Variants in TMTC1 observed in about 807,000 individuals in gnomAD.
TMTC1 encodes transmembrane O-mannosyltransferase targeting cadherins 1.
Under a neutral mutation model 104.8 loss-of-function variants are expected in TMTC1, and 73 were observed. The observed-to-expected ratio is 0.70, with a 90% CI of 0.58 to 0.85. The LOEUF is 0.85. Among genes scored for constraint, TMTC1 ranks in the 40% least tolerant of loss-of-function variants. TMTC1 has a pLI of 0.00. For synonymous variants in TMTC1, 434 were observed against 428.7 expected, an observed-to-expected ratio of 1.01 and a Z score of -0.15; for missense variants, 1,035 against 1,096.1, an observed-to-expected ratio of 0.94 and a Z score of 0.79.
intron 5 of TMTC1, among the ~76,000 whole-genome samples, chr12:29,708,934 C>T (rs895167952): frequency 3.3e-5 from 5 of 152,064 alleles, no homozygotes; most frequent in Non-Finnish European, 7.4e-5. Context: ...TCTTATTCTC[C>T]TAAACATAGG....
In TMTC1 at chr12:29,503,461, T is replaced by C. The variant is rs142889297; in HGVS notation, c.*3385A>G. Reference sequence around the variant, plus strand: ...CTGCTAAAGCCATTCTTGTGGCTTCTACATCAAAGGATACAAAAAGAAATG... The same window carrying C: ...CTGCTAAAGCCATTCTTGTGGCTTCCACATCAAAGGATACAAAAAGAAATG... On this transcript the variant is annotated 3_prime_UTR_variant, in exon 18 of 18. Coordinates refer to ENST00000539277, the MANE Select transcript of TMTC1 (RefSeq NM_001193451.2). 3 of 152,240 alleles carry C rather than the reference T, an allele frequency of 2.0e-5. No homozygotes were observed. The highest frequency in any genetic ancestry group is 7.2e-5 in the African/African-American group (3 of 41,542). The allele number at this position is 152,240 out of a possible 1,614,324, so 9.4% of individuals were successfully genotyped here.
intron 10 of TMTC1, among the ~76,000 whole-genome samples, chr12:29,555,469 C>T (rs529493209): frequency 6.6e-6 from 1 of 152,124 alleles, no homozygotes; most frequent in South Asian, 2.1e-4. Flanking sequence ...TGCTATCCCT[C>T]CTCTTGCCCC....
chr12:29,722,539 T>C (rs1370696939), intron 5 of TMTC1, among the ~76,000 whole-genome samples: 3 of 152,092 alleles, frequency 2.0e-5, no homozygotes, highest in African/African-American at 4.8e-5. Context: ...GCAAAAATTA[T>C]AAAGGTTAAA....
chr12:29,642,504 T>G (rs1237872321), intron 5 of TMTC1, among the ~76,000 whole-genome samples: 1 of 151,968 alleles, frequency 6.6e-6, no homozygotes, highest in Admixed American at 6.6e-5. Context: ...GTATCATATA[T>G]GAAGAAAAAA....
At chr12:29,707,090 G>A (rs1227204524) in intron 5 of TMTC1, among the ~76,000 whole-genome samples, 1 of 152,090 alleles carries the variant, frequency 6.6e-6, no homozygotes, top group Admixed American at 6.6e-5. Flanking sequence ...CAATTACGAG[G>A]CAGAAGATGA....
intron 1 of TMTC1, among the ~76,000 whole-genome samples, chr12:29,778,199 T>C (rs1251956364): frequency 6.6e-6 from 1 of 152,220 alleles, no homozygotes; most frequent in Non-Finnish European, 1.5e-5. Flanking sequence ...TATAATCTAA[T>C]AGGCTAAACA....
chr12:29,629,450 C>G (rs1057393768), intron 6 of TMTC1, among the ~76,000 whole-genome samples: 1 of 152,150 alleles, frequency 6.6e-6, no homozygotes, highest in African/African-American at 2.4e-5. Context: ...CTAAAATGTA[C>G]AAAAGCAAGC....
At chr12:29,540,514 C>G (rs890592971) in intron 10 of TMTC1, among the ~76,000 whole-genome samples, 3 of 152,182 alleles carry the variant, frequency 2.0e-5, no homozygotes, top group Non-Finnish European at 2.9e-5. Flanking sequence ...TGAGGCCACA[C>G]TTGGCATTTC....
rs774521730 is a variant in TMTC1, at chr12:29,573,798, C to T, written c.1419-1580G>A. On this transcript the variant is annotated intron_variant, in intron 8 of 17. Transcript: ENST00000539277. ...AAGTCTTAGCGTGGAGAGAGTCTAA[C>T]GGGCCCTGTGAGTCACACTGGAGAC... 3.9e-5 allele frequency among the ~76,000 whole-genome samples: 6 copies of T among 152,000 alleles called. No homozygotes were observed. In the East Asian group the frequency reaches 7.8e-4, roughly 20 times the overall value.
At chr12:29,518,059 C>T (rs935291153) in intron 13 of TMTC1, among the ~76,000 whole-genome samples, 2 of 152,138 alleles carry the variant, frequency 1.3e-5, no homozygotes, top group African/African-American at 2.4e-5. Flanking sequence ...ATAGTTGGAA[C>T]GTAAGAATGT....
chr12:29,618,039 A>G (rs542503351), intron 6 of TMTC1, among the ~76,000 whole-genome samples: 2 of 152,356 alleles, frequency 1.3e-5, no homozygotes, highest in South Asian at 4.1e-4. Flanking sequence ...GCAATAATCC[A>G]AATGAGAGAT....
intron 8 of TMTC1, among the ~76,000 whole-genome samples, chr12:29,578,396 C>A (rs748678029): frequency 9.9e-5 from 15 of 152,170 alleles, no homozygotes; most frequent in Non-Finnish European, 1.8e-4. Flanking sequence ...GGCCAGGTCA[C>A]TCTTCCCTCC....
At position 29,731,450 on chromosome 12, in the gene TMTC1, C is replaced by T. The variant is rs11050413; in HGVS notation, c.938+20216G>A. 6.1e-3 allele frequency among the ~76,000 whole-genome samples: 922 copies of T among 152,232 alleles called. 10 individuals carry two copies. The highest frequency in any genetic ancestry group is 0.021 in the African/African-American group (865 of 41,520). On this transcript the variant is annotated intron_variant, in intron 5 of 17. Coordinates refer to ENST00000539277, the MANE Select transcript of TMTC1 (RefSeq NM_001193451.2). The stretch of plus-strand genomic sequence containing the variant: ...GAATTATATGCCCACAATGCACGGC[C>T]GCAAATTGGATTTTAAACAACGTAA...
chr12:29,751,827 G>A lies in TMTC1; in HGVS notation c.777C>T (p.Ser259=), dbSNP rs532034685. The A allele has an allele frequency of 1.2e-5, 20 of 1,601,876 alleles. No homozygotes were observed. The Admixed American group carries it at 1.9e-4, about 15-fold the overall frequency. ...GGCCTGGCAGTGAGGAGGGCTGGGG[G>A]CTCCCGGGCTGCTGTGGGCTGCGTG... ...LCPRSPQQPG[S]PQPSSLPGHP... Residue 259 remains serine, a synonymous_variant, in exon 5 of 18, where the codon AGC becomes AGT. Coordinates refer to ENST00000539277, the MANE Select transcript of TMTC1 (RefSeq NM_001193451.2).
chr12:29,511,779 A>G (rs980188354), intron 17 of TMTC1, among the ~76,000 whole-genome samples: 2 of 152,214 alleles, frequency 1.3e-5, no homozygotes, highest in Non-Finnish European at 2.9e-5. Flanking sequence ...CATTAGGTAC[A>G]TATGATTTTC....
intron 2 of TMTC1, among the ~76,000 whole-genome samples, chr12:29,763,334 T>C (rs1943394601): frequency 1.3e-5 from 2 of 152,248 alleles, no homozygotes; most frequent in Admixed American, 6.5e-5. Flanking sequence ...TATACCCCTG[T>C]TGAACTGAGG....
intron 5 of TMTC1, among the ~76,000 whole-genome samples, chr12:29,742,003 C>A (rs1281731532): frequency 1.3e-5 from 2 of 152,026 alleles, no homozygotes; most frequent in African/African-American, 2.4e-5. Context: ...ATCATAATTG[C>A]AGTGTGAATC....
chr12:29,629,600 T>C (rs962255589), intron 6 of TMTC1, among the ~76,000 whole-genome samples: 5 of 152,160 alleles, frequency 3.3e-5, no homozygotes, highest in East Asian at 3.9e-4. Flanking sequence ...TCCTTTTATA[T>C]TCTATACCCA....
chr12:29,710,881 ATAT>A (rs1415062544), intron 5 of TMTC1, among the ~76,000 whole-genome samples: 18 of 132,886 alleles, frequency 1.4e-4, no homozygotes, highest in Non-Finnish European at 2.5e-4. Flanking sequence ...ATTATAAATT[ATAT>A]TATTAATATA....
Sources: gnomAD v4.1 joint callset for allele counts (sites outside exome capture counted in the v4.1 genomes callset) on GRCh38, gnomAD v4.1.1 for gene constraint, MANE v1.5 for transcripts, NCBI Gene and HGNC (gene_info 2026-07-23, HGNC 2026-07-21) for gene names.